ANKHD1: variants seen among roughly 807,000 people sequenced by gnomAD.
ANKHD1 encodes the protein ankyrin repeat and KH domain containing 1, also known as ankyrin repeat and KH domain-containing protein 1.
Under a neutral mutation model 230.5 loss-of-function variants are expected in ANKHD1, and 31 were observed. The ratio of observed to expected loss-of-function variants is 0.13; its 90% CI spans 0.10 to 0.18. ANKHD1 has a LOEUF of 0.18. Among genes scored for constraint, ANKHD1 ranks in the 10% least tolerant of loss-of-function variants. ANKHD1 has a pLI of 1.00. For synonymous variants in ANKHD1, 1,074 were observed against 1,117.6 expected (o/e 0.96, Z 0.78); for missense variants, 2,256 against 3,071.3 (o/e 0.73, Z 6.27).
At chr5:140,448,532 C>T (rs531039588) in intron 6 of ANKHD1, among the ~76,000 whole-genome samples, 1 of 152,178 alleles carries the variant, frequency 6.6e-6, no homozygotes, top group African/African-American at 2.4e-5. Flanking sequence ...TTGCCCCACC[C>T]TACACCCTCA....
intron 9 of ANKHD1, among the ~76,000 whole-genome samples, chr5:140,460,025 A>T (rs1033820434): frequency 6.6e-6 from 1 of 152,092 alleles, no homozygotes. Context: ...GGCTTGTGGA[A>T]GGGAGATGTT....
At position 140,496,912 on chromosome 5, in the gene ANKHD1, C is replaced by T; in HGVS notation, c.2638C>T (p.Pro880Ser). The change falls in exon 15 of 34, where the codon CCA (proline) becomes TCA (serine). Residue 880 changes from proline to serine, a missense_variant. By Grantham distance (74) the Pro-to-Ser change is moderately conservative. This residue lies in a region of ANKHD1 where 358 missense variants were observed against 397.7 expected (regional missense o/e 0.90). Coordinates refer to ENST00000360839, the MANE Select transcript of ANKHD1 (RefSeq NM_017747.3). ...HQQCSHRGVF[P>S]EGEGDGSLPE... ...ACAGTGCTCTCATAGAGGAGTCTTCCCAGAAGGGGAAGGAGATGGTAGTCT... is the reference window on the plus strand; with the variant it reads ...ACAGTGCTCTCATAGAGGAGTCTTCTCAGAAGGGGAAGGAGATGGTAGTCT... The T allele has an allele frequency of 6.2e-7, 1 of 1,614,032 alleles. No individual in the cohort carries two copies. The highest frequency in any genetic ancestry group is 8.5e-7 in the Non-Finnish European group (1 of 1,180,004).
intron 14 of ANKHD1, among the ~76,000 whole-genome samples, chr5:140,488,040 A>G (rs961252870): frequency 6.6e-6 from 1 of 152,180 alleles, no homozygotes; most frequent in African/African-American, 2.4e-5. Context: ...AGTCTCTCTG[A>G]TTTAAGCTAA....
intron 32 of ANKHD1, 88 bp from the exon 33 acceptor site, chr5:140,538,831 G>T: frequency 7.8e-7 from 1 of 1,284,386 alleles, no homozygotes; most frequent in South Asian, 2.7e-5. Context: ...AGGAATATTA[G>T]AGAAGTCTAA....
chr5:140,505,983 T>A, intron 18 of ANKHD1, 114 bp downstream of exon 18: 1 of 1,478,836 alleles, frequency 6.8e-7, no homozygotes, highest in Non-Finnish European at 9.0e-7. Flanking sequence ...TGTGTTTGTT[T>A]TTCTGAGGCA....
rs1297288527 is a variant in ANKHD1, at chr5:140,520,546, T to C, written c.4318-3520T>C. On this transcript the variant is annotated intron_variant, in intron 24 of 33. Transcript: ENST00000360839. Reference sequence around the variant, plus strand: ...AACCAACCCAAATGTCCAGCAATGATAGACTGGATTAAGAAAATGTGGCAC... The same window carrying C: ...AACCAACCCAAATGTCCAGCAATGACAGACTGGATTAAGAAAATGTGGCAC... 2.1e-3 allele frequency among the ~76,000 whole-genome samples: 323 copies of C among 151,948 alleles called. 5 individuals are homozygous for C. The East Asian group carries it at 0.045, about 21-fold the overall frequency.
At chr5:140,408,182 A>G (rs1291160610) in intron 1 of ANKHD1, among the ~76,000 whole-genome samples, 1 of 152,222 alleles carries the variant, frequency 6.6e-6, no homozygotes, top group Non-Finnish European at 1.5e-5. Context: ...ATCTCAAAAA[A>G]TTAGAAAATA....
At chr5:140,418,293 AC>A (rs1475258670) in intron 1 of ANKHD1, among the ~76,000 whole-genome samples, 1 of 151,728 alleles carries the variant, frequency 6.6e-6, no homozygotes, top group East Asian at 1.9e-4. Flanking sequence ...ACAGATGTGC[AC>A]CACTACAGTG....
rs1486922614 is a variant in ANKHD1 at position 140,527,825 on chromosome 5, A to T, written c.5088-48A>T. ...TACTTACTAAGACATCTTTCTTAAT[A>T]AAGAGACATTTAATTTCATAAGCTC... On this transcript the variant is annotated intron_variant, in intron 27 of 33. Transcript: ENST00000360839. The surrounding 1 kb of genome is among the most constrained non-coding windows in gnomAD (Gnocchi z 4.5). 1.3e-6 allele frequency: 2 copies of T among 1,558,138 alleles called. No homozygotes were observed. Among genetic ancestry groups the T allele is most frequent in the Non-Finnish European group, 1.7e-6 (2 of 1,151,174 alleles).
chr5:140,472,938 G>A (rs1750741389), intron 10 of ANKHD1, among the ~76,000 whole-genome samples: 2 of 151,506 alleles, frequency 1.3e-5, no homozygotes, highest in South Asian at 4.2e-4. Context: ...AATCCAAAGA[G>A]ATTTATTTAA....
rs1752478167 is a variant in ANKHD1, at chr5:140,504,829, A to G, written c.3013A>G (p.Thr1005Ala). 1.2e-6 allele frequency: 2 copies of G among 1,612,626 alleles called. No individual in the cohort carries two copies. The highest frequency in any genetic ancestry group is 1.3e-5 in the African/African-American group (1 of 74,874). ...TGAATATTGTTTTTCAGCTGTGAGT[A>G]CCAGAGTGCCCACTGGTTCCAACAG... ...TLDDLIAAVS[T>A]RVPTGSNSSS... The change falls in exon 16 of 34, where the codon ACC becomes GCC. Residue 1005 changes from threonine to alanine, a missense_variant. Coordinates refer to ENST00000360839, the MANE Select transcript of ANKHD1 (RefSeq NM_017747.3).
At chr5:140,509,545 G>A in intron 20 of ANKHD1, 92 bp from the exon 21 acceptor site, 1 of 1,381,270 alleles carries the variant, frequency 7.2e-7, no homozygotes, top group East Asian at 2.6e-5. Flanking sequence ...ATTGCCTCAG[G>A]TTTTTAAAGA....
chr5:140,466,024 T>G (rs1396785452), intron 10 of ANKHD1, among the ~76,000 whole-genome samples: 1 of 152,204 alleles, frequency 6.6e-6, no homozygotes, highest in Non-Finnish European at 1.5e-5. Context: ...TCCTCTAAAT[T>G]CTTACCTGGA....
intron 26 of ANKHD1, 81 bp from the exon 27 acceptor site, chr5:140,526,847 C>T (rs1753628591): frequency 3.4e-6 from 5 of 1,470,050 alleles, no homozygotes; most frequent in African/African-American, 2.9e-5. Context: ...TTCAGCGTAA[C>T]TCTGGCTATA....
chr5:140,432,319 A>G (rs7701365), intron 1 of ANKHD1, among the ~76,000 whole-genome samples: 61,445 of 151,998 alleles, frequency 0.4, 13,194 homozygotes, highest in East Asian at 0.55. Context: ...GACATTTCAT[A>G]TAAATGGGAT....
intron 1 of ANKHD1, among the ~76,000 whole-genome samples, chr5:140,403,689 G>A (rs902858549): frequency 2.0e-5 from 3 of 152,148 alleles, no homozygotes; most frequent in African/African-American, 7.2e-5. Context: ...TTTTTCTGTT[G>A]ACTGTGGCTT....
rs1229099586 is a variant in ANKHD1, at chr5:140,467,068, GAC to G, written c.1782+2296_1782+2297del. ...ACATTCATATTTACATGAAATTATA[GAC>G]ACAATATATAATACAGTTGTTTTCT... On this transcript the variant is annotated intron_variant, in intron 10 of 33. Transcript: ENST00000360839. Among the ~76,000 whole-genome samples, 9 of 151,962 alleles carry G rather than the reference GAC, an allele frequency of 5.9e-5. No individual in the cohort carries two copies. The East Asian group carries it at 1.2e-3, about 20-fold the overall frequency.
chr5:140,489,287 C>T (rs1020645641), intron 14 of ANKHD1, among the ~76,000 whole-genome samples: 5 of 151,742 alleles, frequency 3.3e-5, no homozygotes, highest in African/African-American at 9.7e-5. Context: ...GCAGAATGAT[C>T]GATCAGCCTG....
chr5:140,410,945 A>G (rs956956971), intron 1 of ANKHD1, among the ~76,000 whole-genome samples: 5 of 152,178 alleles, frequency 3.3e-5, no homozygotes, highest in African/African-American at 9.6e-5. Flanking sequence ...ATGGCTAGTG[A>G]CTGGTAAAGG....
Sources: allele counts gnomAD v4.1 joint callset (sites outside exome capture counted in the v4.1 genomes callset), GRCh38; gene constraint gnomAD v4.1.1; regional missense constraint gnomAD v4.1.1; non-coding constraint Gnocchi (gnomAD v3.1); transcripts MANE v1.5; gene names NCBI Gene and HGNC (gene_info 2026-07-23, HGNC 2026-07-21).